ATP6V0E1: variants seen among roughly 807,000 people sequenced by gnomAD.
The protein encoded by ATP6V0E1 is V-type proton ATPase subunit e 1.
In ATP6V0E1, 4 loss-of-function variants were observed where a neutral mutation model predicts 11.6. That is an observed-to-expected ratio of 0.35 (90% CI 0.17 to 0.79). The LOEUF (loss-of-function observed/expected upper bound fraction) is 0.79, where lower values mean the gene tolerates loss of function less well. ATP6V0E1 is among the 30% of genes least tolerant of loss of function. ATP6V0E1 has a pLI of 0.54. For synonymous variants in ATP6V0E1, 36 were observed against 34.8 expected (o/e 1.04, Z -0.13); for missense variants, 105 against 100.0 (o/e 1.05, Z -0.21).
chr5:173,005,012 G>C (rs1286763485), intron 2 of ATP6V0E1, among the ~76,000 whole-genome samples: 1 of 151,992 alleles, frequency 6.6e-6, no homozygotes, highest in Non-Finnish European at 1.5e-5. Context: ...TGATCTCTTT[G>C]TCTGGCCTTA....
At chr5:172,989,612 T>C (rs894610934) in intron 1 of ATP6V0E1, among the ~76,000 whole-genome samples, 3 of 151,440 alleles carry the variant, frequency 2.0e-5, no homozygotes, top group Non-Finnish European at 4.4e-5. Flanking sequence ...CTACAGCCTC[T>C]GCCTCCCGGG....
chr5:173,031,776 G>A (rs1405155090), intron 3 of ATP6V0E1, among the ~76,000 whole-genome samples: 1 of 146,334 alleles, frequency 6.8e-6, no homozygotes, highest in East Asian at 2.2e-4. Context: ...TGGAGATCGC[G>A]CCACTGCACT....
At chr5:173,000,643 T>A (rs1756137498) in intron 2 of ATP6V0E1, among the ~76,000 whole-genome samples, 1 of 152,066 alleles carries the variant, frequency 6.6e-6, no homozygotes, top group Non-Finnish European at 1.5e-5. Flanking sequence ...TTAAGTAAGA[T>A]GCTGTGTGTG....
At chr5:173,020,829 C>A (rs779898834) in intron 3 of ATP6V0E1, 9 of 519,782 alleles carry the variant, frequency 1.7e-5, no homozygotes, top group African/African-American at 7.7e-5. Flanking sequence ...CGCCACTGTT[C>A]TGGTGGCGTC....
intron 2 of ATP6V0E1, among the ~76,000 whole-genome samples, chr5:173,006,271 T>C (rs1240473958): frequency 6.6e-6 from 1 of 152,202 alleles, no homozygotes; most frequent in Non-Finnish European, 1.5e-5. Flanking sequence ...ATTCAAGATA[T>C]AACCCTTTAG....
intron 3 of ATP6V0E1, among the ~76,000 whole-genome samples, chr5:173,027,337 A>G (rs1169984198): frequency 6.7e-6 from 1 of 149,708 alleles, no homozygotes; most frequent in Non-Finnish European, 1.5e-5. Context: ...AAAAAAAAAA[A>G]AAAAAATACA....
chr5:173,007,299 C>T (rs1012903157), intron 2 of ATP6V0E1, among the ~76,000 whole-genome samples: 14 of 152,230 alleles, frequency 9.2e-5, no homozygotes, highest in African/African-American at 3.4e-4. Flanking sequence ...TAATCTGAAG[C>T]TTGGCCTCCT....
At chr5:173,006,847 T>A (rs73329269) in intron 2 of ATP6V0E1, among the ~76,000 whole-genome samples, 3,209 of 152,212 alleles carry the variant, frequency 0.021, 105 homozygotes, top group African/African-American at 0.072. Flanking sequence ...TATGGATACA[T>A]TTGAGATGTT....
chr5:173,016,161 C>T (rs545693695), intron 2 of ATP6V0E1, among the ~76,000 whole-genome samples: 1 of 152,340 alleles, frequency 6.6e-6, no homozygotes, highest in East Asian at 1.9e-4. Context: ...GTAGAACAAC[C>T]TGGGGCTTGC....
chr5:172,997,626 A>G (rs944477030), intron 2 of ATP6V0E1, among the ~76,000 whole-genome samples: 1 of 151,480 alleles, frequency 6.6e-6, no homozygotes, highest in Non-Finnish European at 1.5e-5. Flanking sequence ...TGGCTAACAC[A>G]GTGAAACCCC....
intron 2 of ATP6V0E1, among the ~76,000 whole-genome samples, chr5:173,003,501 ACT>A (rs998968386): frequency 5.3e-5 from 8 of 152,080 alleles, no homozygotes; most frequent in African/African-American, 1.9e-4. Flanking sequence ...TGGGATGATC[ACT>A]CTGGCTGCTC....
chr5:173,006,758 T>C (rs909529099), intron 2 of ATP6V0E1, among the ~76,000 whole-genome samples: 6 of 152,172 alleles, frequency 3.9e-5, no homozygotes, highest in African/African-American at 1.2e-4. Flanking sequence ...AAGCAACCTA[T>C]GGTCACCTTC....
chr5:172,991,179 G>A (rs936407703), intron 1 of ATP6V0E1, among the ~76,000 whole-genome samples: 4 of 152,068 alleles, frequency 2.6e-5, no homozygotes, highest in African/African-American at 9.7e-5. Context: ...AGTACAATAA[G>A]TGCCATATAT....
chr5:172,993,849 C>T (rs1360785096), intron 1 of ATP6V0E1, among the ~76,000 whole-genome samples: 3 of 152,054 alleles, frequency 2.0e-5, no homozygotes, highest in African/African-American at 2.4e-5. Context: ...CTAGCCTGGG[C>T]GACAGAGACC....
chr5:173,033,622 C>T (rs550994978), intron 3 of ATP6V0E1, among the ~76,000 whole-genome samples: 4 of 151,970 alleles, frequency 2.6e-5, no homozygotes, highest in Non-Finnish European at 2.9e-5. Context: ...ATGGGCACAA[C>T]GCTTGAGCCC....
chr5:172,984,002 T>G (rs773118294), intron 1 of ATP6V0E1, 38 bp downstream of exon 1: 1 of 1,594,502 alleles, frequency 6.3e-7, no homozygotes, highest in South Asian at 1.1e-5. Flanking sequence ...GAACGGGCGG[T>G]GAGGAGCTAG....
At chr5:173,025,143 C>A (rs1358183550) in intron 3 of ATP6V0E1, among the ~76,000 whole-genome samples, 1 of 103,148 alleles carries the variant, frequency 9.7e-6, no homozygotes. Flanking sequence ...GCCTGGCATT[C>A]TTTTTTTTTT....
rs527992156 is a variant in ATP6V0E1 at position 173,008,578 on chromosome 5, C to T, written c.153-11660C>T. Reference sequence around the variant, plus strand: ...CTTCCCAAAGTGCTGGGATTACAGGCGTGAGCCACCGTGCCCAGCCGAGTC... The same window carrying T: ...CTTCCCAAAGTGCTGGGATTACAGGTGTGAGCCACCGTGCCCAGCCGAGTC... On this transcript the variant is annotated intron_variant, in intron 2 of 3. Coordinates refer to ENST00000519374, the MANE Select transcript of ATP6V0E1 (RefSeq NM_003945.4). Among the ~76,000 whole-genome samples, 33 of 147,134 alleles carry T rather than the reference C, an allele frequency of 2.2e-4. No homozygotes were observed. In the South Asian group the frequency reaches 2.4e-3, roughly 11 times the overall value.
chr5:173,029,442 G>A (rs925312246), intron 3 of ATP6V0E1, among the ~76,000 whole-genome samples: 6 of 151,922 alleles, frequency 3.9e-5, no homozygotes, highest in South Asian at 4.1e-4. Flanking sequence ...TCTTGTGTCC[G>A]CCTTTCCTTT....
Sources: gnomAD v4.1 joint callset for allele counts (sites outside exome capture counted in the v4.1 genomes callset) on GRCh38, gnomAD v4.1.1 for gene constraint, MANE v1.5 for transcripts, NCBI Gene and HGNC (gene_info 2026-07-23, HGNC 2026-07-21) for gene names.